RABGAP1L: variants seen among roughly 807,000 people sequenced by gnomAD.
The protein encoded by RABGAP1L is rab GTPase-activating protein 1-like.
In RABGAP1L, 63 loss-of-function variants were observed where a neutral mutation model predicts 137.7. That is an observed-to-expected ratio of 0.46 (90% CI 0.37 to 0.56). RABGAP1L has a LOEUF of 0.56. Ranked by LOEUF, RABGAP1L falls within the 20% of genes least tolerant of loss-of-function variation. The pLI, the probability that RABGAP1L is intolerant of heterozygous loss-of-function variation, is 0.00. For missense variants in RABGAP1L, 1,095 were observed against 1,244.0 expected (o/e 0.88, Z 1.80); for synonymous variants, 431 against 433.7 (o/e 0.99, Z 0.08).
intron 13 of RABGAP1L, among the ~76,000 whole-genome samples, chr1:174,417,585 A>C (rs1009810654): frequency 6.6e-6 from 1 of 152,194 alleles, no homozygotes; most frequent in Admixed American, 6.5e-5. Flanking sequence ...CATGGGTTTT[A>C]TTCAAGTTTT....
chr1:174,986,485 TAGTA>T (rs1254959043), intron 24 of RABGAP1L, among the ~76,000 whole-genome samples: 1 of 152,176 alleles, frequency 6.6e-6, no homozygotes, highest in African/African-American at 2.4e-5. Flanking sequence ...CAGGGTCTGT[TAGTA>T]AGGAAGAAGG....
At chr1:174,252,643 G>C in intron 7 of RABGAP1L, 53 bp downstream of exon 7, 3 of 1,576,578 alleles carry the variant, frequency 1.9e-6, no homozygotes, top group Non-Finnish European at 2.6e-6. Context: ...CATTGTTACT[G>C]TCTCAGATGC....
At chr1:174,716,594 T>C (rs560998103) in intron 17 of RABGAP1L, among the ~76,000 whole-genome samples, 1 of 152,310 alleles carries the variant, frequency 6.6e-6, no homozygotes, top group East Asian at 1.9e-4. Flanking sequence ...GACCTTCTGG[T>C]CTCCTACTTT....
At chr1:174,522,181 A>G (rs1443153829) in intron 13 of RABGAP1L, among the ~76,000 whole-genome samples, 5 of 152,182 alleles carry the variant, frequency 3.3e-5, no homozygotes, top group Admixed American at 2.6e-4. Context: ...GACTAAAGGC[A>G]TATATTCTGT....
chr1:174,919,203 A>G (rs879503690), intron 19 of RABGAP1L, among the ~76,000 whole-genome samples: 5 of 152,018 alleles, frequency 3.3e-5, no homozygotes, highest in Non-Finnish European at 5.9e-5. Context: ...TTTTTAGTAG[A>G]GACGGGGTTT....
At chr1:174,362,635 C>G (rs965287784) in intron 11 of RABGAP1L, among the ~76,000 whole-genome samples, 1 of 152,030 alleles carries the variant, frequency 6.6e-6, no homozygotes, top group African/African-American at 2.4e-5. Flanking sequence ...TTGTTTTTCT[C>G]TTGTAAATTT....
At chr1:174,570,512 G>C (rs1667893734) in intron 13 of RABGAP1L, among the ~76,000 whole-genome samples, 2 of 152,236 alleles carry the variant, frequency 1.3e-5, no homozygotes, top group South Asian at 4.1e-4. Context: ...ACTGGGGACT[G>C]CTGGAGAGGG....
In RABGAP1L at chr1:174,231,308, C is replaced by G. The variant is rs894232018; in HGVS notation, c.495C>G (p.Pro165=). ...MATMKSSSQY[P]FPVTLYVPNV... ...CCATGAAATCTTCCAGTCAATACCCCTTTCCTGTTACCCTGTATGTACCAA... is the reference window on the plus strand; with the variant it reads ...CCATGAAATCTTCCAGTCAATACCCGTTTCCTGTTACCCTGTATGTACCAA... Residue 165 remains proline, a synonymous_variant, in exon 4 of 26, where the codon CCC becomes CCG. Transcript: ENST00000681986. 16 of 1,614,010 alleles carry G rather than the reference C, an allele frequency of 9.9e-6. No homozygotes were observed. Among genetic ancestry groups the G allele is most frequent in the Non-Finnish European group, 1.4e-5 (16 of 1,180,020 alleles).
chr1:174,818,023 A>C (rs2148876877), intron 19 of RABGAP1L, among the ~76,000 whole-genome samples: 1 of 152,356 alleles, frequency 6.6e-6, no homozygotes, highest in East Asian at 1.9e-4. Flanking sequence ...ACTTTTGAAT[A>C]TGTTGTTCGT....
intron 17 of RABGAP1L, among the ~76,000 whole-genome samples, chr1:174,748,195 T>C (rs1265220426): frequency 1.3e-5 from 2 of 152,214 alleles, no homozygotes; most frequent in African/African-American, 4.8e-5. Flanking sequence ...TTTGAGATAA[T>C]TGAAGAAAGG....
intron 18 of RABGAP1L, among the ~76,000 whole-genome samples, chr1:174,804,492 G>C (rs926661479): frequency 2.6e-5 from 4 of 151,852 alleles, no homozygotes; most frequent in Non-Finnish European, 4.4e-5. Context: ...AAACTGGAAA[G>C]GCTGTTCTTC....
At chr1:174,471,332 T>G (rs985393187) in intron 13 of RABGAP1L, among the ~76,000 whole-genome samples, 1 of 152,210 alleles carries the variant, frequency 6.6e-6, no homozygotes, top group Non-Finnish European at 1.5e-5. Flanking sequence ...AATGATGGTA[T>G]TAAGACAATG....
chr1:174,956,301 C>A (rs986226696), intron 19 of RABGAP1L, among the ~76,000 whole-genome samples: 1 of 70,316 alleles, frequency 1.4e-5, no homozygotes, highest in African/African-American at 6.4e-5. Flanking sequence ...TGCGCTCAAG[C>A]AATTCTTCTG....
Position 174,219,106 on chromosome 1 carries a change from A to G in RABGAP1L, c.-33-19A>G. 6.7e-7 allele frequency: 1 copy of G among 1,492,882 alleles called. No individual in the cohort carries two copies. Among genetic ancestry groups the G allele is most frequent in the Non-Finnish European group, 9.0e-7 (1 of 1,107,242 alleles). 92.5% of individuals were successfully genotyped at this position (1,492,882 alleles called of 1,614,324 possible). A position where few individuals can be genotyped will look rare whatever the true frequency, so the allele number is the denominator to read the frequency against. On this transcript the variant is annotated intron_variant, in intron 1 of 25. Coordinates refer to ENST00000681986, the MANE Select transcript of RABGAP1L (RefSeq NM_001366446.1). ...TTTAATCAGTAGGTTTTTTTTTTTAATCCCTTTTGTTTTTCCAGGTGGTTG... is the reference window on the plus strand; with the variant it reads ...TTTAATCAGTAGGTTTTTTTTTTTAGTCCCTTTTGTTTTTCCAGGTGGTTG...
chr1:174,301,464 G>A (rs568269322), intron 10 of RABGAP1L, among the ~76,000 whole-genome samples: 5 of 151,332 alleles, frequency 3.3e-5, no homozygotes, highest in African/African-American at 7.3e-5. Flanking sequence ...GCTTTCTGTT[G>A]TGTGGGGCAG....
At chr1:174,638,387 C>A (rs912920455) in intron 14 of RABGAP1L, among the ~76,000 whole-genome samples, 1 of 152,136 alleles carries the variant, frequency 6.6e-6, no homozygotes, top group African/African-American at 2.4e-5. Flanking sequence ...ACTCACTTCT[C>A]CAGCATTTAA....
chr1:174,409,224 A>G (rs2149125020), intron 13 of RABGAP1L, among the ~76,000 whole-genome samples: 1 of 152,338 alleles, frequency 6.6e-6, no homozygotes, highest in Non-Finnish European at 1.5e-5. Context: ...ATATGGACAT[A>G]TGTCAGTTCC....
intron 10 of RABGAP1L, among the ~76,000 whole-genome samples, chr1:174,285,835 T>C (rs983810048): frequency 6.6e-6 from 1 of 152,208 alleles, no homozygotes; most frequent in Non-Finnish European, 1.5e-5. Context: ...TCTGAATCTA[T>C]TGAGAAGATC....
chr1:174,895,879 T>A (rs1256966768), intron 19 of RABGAP1L, among the ~76,000 whole-genome samples: 1 of 152,200 alleles, frequency 6.6e-6, no homozygotes, highest in Non-Finnish European at 1.5e-5. Context: ...TCTTTGCTAT[T>A]GTGAATAGTG....
Sources: gnomAD v4.1 joint callset for allele counts (sites outside exome capture counted in the v4.1 genomes callset) on GRCh38, gnomAD v4.1.1 for gene constraint, MANE v1.5 for transcripts, NCBI Gene and HGNC (gene_info 2026-07-23, HGNC 2026-07-21) for gene names.